KMT2C: variants seen among roughly 807,000 people sequenced by gnomAD.
KMT2C encodes the protein histone-lysine N-methyltransferase 2C.
KMT2C carries 88 observed loss-of-function variants against 507.9 expected under a neutral mutation model. That is an observed-to-expected ratio of 0.17 (90% CI 0.15 to 0.21). KMT2C has a LOEUF of 0.21. Ranked by LOEUF, KMT2C falls within the 10% of genes least tolerant of loss-of-function variation. The pLI, the probability that KMT2C is intolerant of heterozygous loss-of-function variation, is 1.00. For synonymous variants in KMT2C, 2,049 were observed against 2,080.8 expected (o/e 0.98, Z 0.42); for missense variants, 4,954 against 5,957.8 (o/e 0.83, Z 5.55).
chr7:152,408,725 T>TG (rs34684799), intron 1 of KMT2C, among the ~76,000 whole-genome samples: 1 of 151,330 alleles, frequency 6.6e-6, no homozygotes, highest in Non-Finnish European at 1.5e-5. Flanking sequence ...GTGCTCCCCC[T>TG]GGGGTCTGTG....
chr7:152,333,952 C>A (rs1440748628), intron 2 of KMT2C, among the ~76,000 whole-genome samples: 1 of 151,758 alleles, frequency 6.6e-6, no homozygotes, highest in Non-Finnish European at 1.5e-5. Flanking sequence ...TATCTAGAAT[C>A]AAATCTACAA....
intron 12 of KMT2C, 138 bp from the exon 13 acceptor site, chr7:152,250,091 T>A: frequency 1.9e-6 from 1 of 538,302 alleles, no homozygotes; most frequent in South Asian, 2.9e-5. Context: ...GTACCACTTA[T>A]TAGTAAGTTA....
intron 14 of KMT2C, among the ~76,000 whole-genome samples, chr7:152,244,165 T>G (rs1476781442): frequency 2.6e-5 from 4 of 152,250 alleles, no homozygotes; most frequent in Admixed American, 6.5e-5. Context: ...TTCAGTTTAA[T>G]GCATTTTTAA....
chr7:152,352,316 A>T (rs1379960125), intron 2 of KMT2C, among the ~76,000 whole-genome samples: 1 of 152,152 alleles, frequency 6.6e-6, no homozygotes, highest in Non-Finnish European at 1.5e-5. Context: ...ATCAATTACA[A>T]TGCGTGCCCG....
At chr7:152,374,347 T>C (rs1466591418) in intron 1 of KMT2C, among the ~76,000 whole-genome samples, 3 of 151,296 alleles carry the variant, frequency 2.0e-5, no homozygotes, top group African/African-American at 2.4e-5. Context: ...TAATAATTAA[T>C]AAAAATTGAA....
At chr7:152,230,378 T>G in intron 16 of KMT2C, 57 bp from the exon 17 acceptor site, 1 of 751,270 alleles carries the variant, frequency 1.3e-6, no homozygotes, top group South Asian at 2.0e-5. Flanking sequence ...GTTTTACACT[T>G]AACTGGAAAG....
At chr7:152,368,389 G>A in intron 1 of KMT2C, 16 of 1,109,238 alleles carry the variant, frequency 1.4e-5, no homozygotes, top group Non-Finnish European at 2.0e-5. Flanking sequence ...AAGGGAGTAT[G>A]CAGCTAAAAT....
At chr7:152,416,724 A>C (rs1253176321) in intron 1 of KMT2C, among the ~76,000 whole-genome samples, 2 of 128,522 alleles carry the variant, frequency 1.6e-5, no homozygotes, top group Non-Finnish European at 3.2e-5. Context: ...ACTCTGTATC[A>C]AAAAAAAAAA....
intron 1 of KMT2C, among the ~76,000 whole-genome samples, chr7:152,376,242 T>C (rs2097328111): frequency 1.3e-5 from 2 of 152,184 alleles, no homozygotes; most frequent in African/African-American, 4.8e-5. Context: ...GACCTCCCGT[T>C]TCCCCAACAC....
chr7:152,266,681 T>C (rs1209037298), intron 7 of KMT2C, among the ~76,000 whole-genome samples: 4 of 152,278 alleles, frequency 2.6e-5, no homozygotes, highest in African/African-American at 7.2e-5. Flanking sequence ...AAACTTTTCC[T>C]GAAAAGGGCC....
chr7:152,148,085 C>G lies in KMT2C; in HGVS notation c.13842G>C (p.Arg4614Ser). Reference sequence around the variant, plus strand: ...GGTCTTCATGGCCTTGTTCCACAATCCTGATGACAAACACTGGGCGCCCAT... The same window carrying G: ...GGTCTTCATGGCCTTGTTCCACAATGCTGATGACAAACACTGGGCGCCCAT... ...EKDGRPVFVI[R>S]IVEQGHEDLV... Residue 4614 changes from arginine to serine, a missense_variant, in exon 52 of 59, where the codon AGG becomes AGC. By Grantham distance (110) the Arg-to-Ser change is moderately radical. Around this residue, in one of 29 missense-constraint regions of KMT2C, gnomAD observed 221 missense variants for 304.7 expected, o/e 0.73. Coordinates refer to ENST00000262189, the MANE Select transcript of KMT2C (RefSeq NM_170606.3). The surrounding 1 kb of genome is among the most constrained non-coding windows in gnomAD (Gnocchi z 7.1). The G allele has an allele frequency of 6.2e-7, 1 of 1,609,034 alleles. No individual in the cohort carries two copies. The highest frequency in any genetic ancestry group is 8.5e-7 in the Non-Finnish European group (1 of 1,176,046).
chr7:152,414,563 G>A (rs1304051290), intron 1 of KMT2C, among the ~76,000 whole-genome samples: 1 of 151,640 alleles, frequency 6.6e-6, no homozygotes, highest in East Asian at 1.9e-4. Context: ...TTGCCAATGT[G>A]AAAACTACTC....
intron 1 of KMT2C, among the ~76,000 whole-genome samples, chr7:152,359,834 A>G (rs1288119568): frequency 1.3e-5 from 2 of 152,102 alleles, no homozygotes; most frequent in Non-Finnish European, 2.9e-5. Context: ...ATATCACCTG[A>G]GGTCAGGAGG....
chr7:152,410,010 A>G (rs1173843007), intron 1 of KMT2C, among the ~76,000 whole-genome samples: 1 of 152,262 alleles, frequency 6.6e-6, no homozygotes, highest in East Asian at 1.9e-4. Context: ...GGGAGGGGAT[A>G]TTATTTATTC....
Position 152,148,936 on chromosome 7 carries a change from G to C in KMT2C, c.12991C>G (p.Leu4331Val), listed in dbSNP as rs773556414. 1 of 1,611,472 alleles carries C rather than the reference G, an allele frequency of 6.2e-7. No homozygotes were observed. The highest frequency in any genetic ancestry group is 2.2e-5 in the East Asian group (1 of 44,876). ...TGGACAGCTCTTAGCCGAGGCTTCA[G>C]CTTGACTGTCACCTTCAGCTCATCT... is the stretch of plus-strand genomic sequence containing the variant. Reference protein sequence around the residue: ...KPDELKVTVKLKPRLRAVHGG... With the variant: ...KPDELKVTVKVKPRLRAVHGG... The change falls in exon 52 of 59, where the codon CTG becomes GTG. Residue 4331 changes from leucine to valine, a missense_variant. By Grantham distance (32) the Leu-to-Val change is conservative. Transcript: ENST00000262189. This position sits in a 1 kb window ranked among gnomAD's most constrained non-coding sequence, Gnocchi z 7.1.
chr7:152,279,018 T>C (rs1366998196), intron 6 of KMT2C, among the ~76,000 whole-genome samples: 1 of 152,124 alleles, frequency 6.6e-6, no homozygotes. Flanking sequence ...TCTATTCAAA[T>C]ATACATAGAA....
intron 57 of KMT2C, 130 bp from the exon 58 acceptor site, chr7:152,139,034 A>G: frequency 1.0e-6 from 1 of 986,318 alleles, no homozygotes; most frequent in East Asian, 2.4e-5. Context: ...GCACAAATAT[A>G]ACATTTAAAT....
chr7:152,423,017 CAAA>C (rs1322603206), intron 1 of KMT2C, among the ~76,000 whole-genome samples: 2 of 87,168 alleles, frequency 2.3e-5, no homozygotes. Context: ...ACTCTCATCT[CAAA>C]AAAAAAAAAA....
intron 1 of KMT2C, among the ~76,000 whole-genome samples, chr7:152,414,611 CTTTTT>C (rs904538805): frequency 1.4e-5 from 2 of 142,474 alleles, no homozygotes; most frequent in African/African-American, 5.1e-5. Flanking sequence ...TGGAAAAAAT[CTTTTT>C]TTTTTTTTAG....
Sources: gnomAD v4.1 joint callset for allele counts (sites outside exome capture counted in the v4.1 genomes callset) on GRCh38, gnomAD v4.1.1 for gene constraint, gnomAD v4.1.1 regional missense constraint, Gnocchi (gnomAD v3.1) non-coding constraint, MANE v1.5 for transcripts, NCBI Gene and HGNC (gene_info 2026-07-23, HGNC 2026-07-21) for gene names.